The following ZNF679 variants were observed in gnomAD, a reference collection of about 807,000 sequenced individuals.
ZNF679 encodes zinc finger protein 679.
In ZNF679, 10 loss-of-function variants were observed where a neutral mutation model predicts 13.4. The observed-to-expected ratio is 0.75, with a 90% CI of 0.46 to 1.27. ZNF679 has a LOEUF of 1.27. Ranked by LOEUF, ZNF679 falls within the 50% of genes most tolerant of loss-of-function variation. The pLI is 0.00. For missense variants in ZNF679, 525 were observed against 477.8 expected (o/e 1.10, Z -0.92); for synonymous variants, 179 against 162.5 (o/e 1.10, Z -0.77).
intron 1 of ZNF679, among the ~76,000 whole-genome samples, chr7:64,236,935 A>AAGAAAGAAAGAAAG (rs1787725815): frequency 2.3e-5 from 1 of 43,518 alleles, no homozygotes; most frequent in Non-Finnish European, 4.2e-5. Context: ...GAAAGAAAGA[A>AAGAAAGAAAGAAAG]AGAAAGAAAG....
chr7:64,240,970 G>A (rs140677130), intron 1 of ZNF679, among the ~76,000 whole-genome samples: 2,216 of 152,228 alleles, frequency 0.015, 26 homozygotes, highest in Non-Finnish European at 0.023. Context: ...CTCATCTGTC[G>A]ATTGGATTAA....
intron 1 of ZNF679, among the ~76,000 whole-genome samples, chr7:64,240,139 A>T (rs929955246): frequency 3.3e-5 from 5 of 152,152 alleles, no homozygotes; most frequent in Non-Finnish European, 4.4e-5. Context: ...CAGCTAGGTG[A>T]TATGACTCTC....
At chr7:64,231,541 G>T (rs1382385325) in intron 1 of ZNF679, among the ~76,000 whole-genome samples, 1 of 152,204 alleles carries the variant, frequency 6.6e-6, no homozygotes, top group Non-Finnish European at 1.5e-5. Context: ...GCAGAGTCAT[G>T]TCACATAGTT....
At chr7:64,248,979 C>T (rs1365453792) in intron 1 of ZNF679, 49 bp from the exon 2 acceptor site, 2 of 1,248,316 alleles carry the variant, frequency 1.6e-6, no homozygotes, top group African/African-American at 1.5e-5. Flanking sequence ...CTGGAGAGAA[C>T]AGGATGCCTC....
intron 1 of ZNF679, among the ~76,000 whole-genome samples, chr7:64,246,253 T>A (rs1271775896): frequency 1.3e-5 from 2 of 152,156 alleles, no homozygotes; most frequent in Non-Finnish European, 2.9e-5. Context: ...ATTAACCCAA[T>A]CCCATTCTTT....
chr7:64,259,362 G>A (rs1303556476), intron 2 of ZNF679, among the ~76,000 whole-genome samples: 1 of 152,140 alleles, frequency 6.6e-6, no homozygotes, highest in African/African-American at 2.4e-5. Context: ...TTTTACTGGG[G>A]AAACACAGTT....
At chr7:64,260,154 C>A in intron 2 of ZNF679, 67 bp from the exon 3 acceptor site, 1 of 1,424,590 alleles carries the variant, frequency 7.0e-7, no homozygotes, top group Non-Finnish European at 9.5e-7. Context: ...AAAATCTCTG[C>A]CTACGGCCAC....
chr7:64,236,618 C>T (rs1337456705), intron 1 of ZNF679, among the ~76,000 whole-genome samples: 1 of 151,892 alleles, frequency 6.6e-6, no homozygotes, highest in African/African-American at 2.4e-5. Context: ...AACCTCATCT[C>T]TTAAAAATAC....
chr7:64,250,384 C>T (rs1339197115), intron 2 of ZNF679, among the ~76,000 whole-genome samples: 1 of 150,794 alleles, frequency 6.6e-6, no homozygotes, highest in Non-Finnish European at 1.5e-5. Context: ...ATTTTCCTGC[C>T]TCAGCCTCTT....
intron 1 of ZNF679, among the ~76,000 whole-genome samples, chr7:64,229,836 T>C (rs1013059075): frequency 7.9e-5 from 12 of 152,092 alleles, no homozygotes; most frequent in African/African-American, 2.7e-4. Context: ...AAAACAGTCA[T>C]ATCATCTGAA....
At chr7:64,230,393 C>T (rs538867488) in intron 1 of ZNF679, among the ~76,000 whole-genome samples, 6 of 151,692 alleles carry the variant, frequency 4.0e-5, no homozygotes, top group East Asian at 3.9e-4. Flanking sequence ...ATTAGCCGGG[C>T]GCGGTGGCGG....
chr7:64,249,662 A>C (rs1434993916), intron 2 of ZNF679, among the ~76,000 whole-genome samples: 1 of 152,164 alleles, frequency 6.6e-6, no homozygotes, highest in Non-Finnish European at 1.5e-5. Context: ...AGACTTGAAG[A>C]AGTCTGTTAT....
chr7:64,251,327 G>A (rs962041064), intron 2 of ZNF679, among the ~76,000 whole-genome samples: 2 of 151,904 alleles, frequency 1.3e-5, no homozygotes, highest in Non-Finnish European at 2.9e-5. Flanking sequence ...GGTGGTGGGC[G>A]CCTCTAATCC....
intron 2 of ZNF679, among the ~76,000 whole-genome samples, chr7:64,252,937 C>T (rs1346414585): frequency 6.6e-6 from 1 of 152,186 alleles, no homozygotes; most frequent in Admixed American, 6.5e-5. Context: ...AGGCTGGTCT[C>T]GAACTCCTGA....
chr7:64,234,720 T>C (rs1787685816), intron 1 of ZNF679, among the ~76,000 whole-genome samples: 1 of 152,154 alleles, frequency 6.6e-6, no homozygotes, highest in African/African-American at 2.4e-5. Context: ...AGCAAATGGG[T>C]GTGTTCTAAG....
At position 64,266,898 on chromosome 7, in the gene ZNF679, T is replaced by C; in HGVS notation, c.*29T>C. Reference sequence around the variant, plus strand: ...GATAAAGTCCAGCCTTCAGACCTTATAATACATAAAATAATTTATACTTGA... The same window carrying C: ...GATAAAGTCCAGCCTTCAGACCTTACAATACATAAAATAATTTATACTTGA... On this transcript the variant is annotated 3_prime_UTR_variant, in exon 5 of 5. Transcript: ENST00000421025. 6.7e-7 allele frequency: 1 copy of C among 1,489,912 alleles called. No homozygotes were observed. The highest frequency in any genetic ancestry group is 8.9e-7 in the Non-Finnish European group (1 of 1,123,378). 92.3% of individuals were successfully genotyped at this position (1,489,912 alleles called of 1,614,324 possible).
At chr7:64,247,966 G>A (rs1328411770) in intron 1 of ZNF679, among the ~76,000 whole-genome samples, 1 of 151,920 alleles carries the variant, frequency 6.6e-6, no homozygotes, top group East Asian at 1.9e-4. Context: ...CAGGCTGCCT[G>A]CATGTATTAG....
chr7:64,259,727 A>G (rs1237902386), intron 2 of ZNF679, among the ~76,000 whole-genome samples: 3 of 152,112 alleles, frequency 2.0e-5, no homozygotes, highest in African/African-American at 4.8e-5. Context: ...TAGGAGTTCA[A>G]GACAAGCCTG....
intron 1 of ZNF679, among the ~76,000 whole-genome samples, chr7:64,239,247 T>C (rs1787763739): frequency 6.6e-6 from 1 of 152,138 alleles, no homozygotes; most frequent in Non-Finnish European, 1.5e-5. Flanking sequence ...CCAACCAGGA[T>C]TCAGCACACC....
Sources: allele counts gnomAD v4.1 joint callset (sites outside exome capture counted in the v4.1 genomes callset), GRCh38; gene constraint gnomAD v4.1.1; transcripts MANE v1.5; gene names NCBI Gene and HGNC (gene_info 2026-07-23, HGNC 2026-07-21).